Variants in SLIT2 observed in about 807,000 individuals in gnomAD.
SLIT2 encodes slit homolog 2 protein.
A neutral mutation model predicts 185.7 loss-of-function variants in SLIT2; 41 were observed. The ratio of observed to expected loss-of-function variants is 0.22; its 90% CI spans 0.17 to 0.29. SLIT2 has a LOEUF of 0.29. Ranked by LOEUF, SLIT2 falls within the 10% of genes least tolerant of loss-of-function variation. SLIT2 has a pLI of 1.00. For synonymous variants in SLIT2, 693 were observed against 680.2 expected (o/e 1.02, Z -0.29); for missense variants, 1,571 against 1,909.0 (o/e 0.82, Z 3.30).
chr4:20,542,137 A>G (rs181197130), intron 20 of SLIT2, among the ~76,000 whole-genome samples: 3 of 152,298 alleles, frequency 2.0e-5, no homozygotes, highest in Admixed American at 6.5e-5. Flanking sequence ...TTAAGTTAAT[A>G]TATTCCCTTA....
intron 14 of SLIT2, 54 bp downstream of exon 14, chr4:20,524,231 A>T: frequency 1.3e-6 from 2 of 1,562,708 alleles, no homozygotes; most frequent in Non-Finnish European, 1.8e-6. Flanking sequence ...GTTACATGAG[A>T]CCTAACAAAA....
chr4:20,569,098 T>A, intron 29 of SLIT2, 94 bp downstream of exon 29: 1 of 1,073,646 alleles, frequency 9.3e-7, no homozygotes, highest in Middle Eastern at 2.4e-4. Flanking sequence ...AATCTTTTTT[T>A]ATTTGATAAA....
intron 5 of SLIT2, among the ~76,000 whole-genome samples, chr4:20,473,617 G>T (rs1448628489): frequency 6.6e-6 from 1 of 151,900 alleles, no homozygotes; most frequent in African/African-American, 2.4e-5. Context: ...GTTTTGTATC[G>T]ATGGCTCCAT....
At chr4:20,328,928 G>A (rs1719828350) in intron 4 of SLIT2, among the ~76,000 whole-genome samples, 1 of 152,012 alleles carries the variant, frequency 6.6e-6, no homozygotes, top group African/African-American at 2.4e-5. Context: ...GTGGGAGCGT[G>A]GAAAGTGGGG....
intron 32 of SLIT2, 120 bp downstream of exon 32, chr4:20,596,775 A>G: frequency 1.0e-6 from 1 of 955,788 alleles, no homozygotes; most frequent in Non-Finnish European, 1.5e-6. Flanking sequence ...TTAAAAACAG[A>G]AAATGCTCCT....
At chr4:20,342,966 T>C (rs1721088332) in intron 4 of SLIT2, among the ~76,000 whole-genome samples, 1 of 152,036 alleles carries the variant, frequency 6.6e-6, no homozygotes. Flanking sequence ...TTTGATGCAT[T>C]ATACTTGTAC....
chr4:20,458,870 T>C (rs770239036), intron 4 of SLIT2, among the ~76,000 whole-genome samples: 1 of 152,172 alleles, frequency 6.6e-6, no homozygotes, highest in Non-Finnish European at 1.5e-5. Flanking sequence ...AACAATACAA[T>C]GTGTTCCCTG....
At chr4:20,579,935 G>A (rs879657363) in intron 29 of SLIT2, among the ~76,000 whole-genome samples, 3 of 146,620 alleles carry the variant, frequency 2.0e-5, no homozygotes, top group Non-Finnish European at 3.0e-5. Flanking sequence ...AGTATGTACA[G>A]GAAATGTAAA....
intron 11 of SLIT2, among the ~76,000 whole-genome samples, chr4:20,515,752 C>T (rs2148833420): frequency 6.6e-6 from 1 of 152,280 alleles, no homozygotes; most frequent in Non-Finnish European, 1.5e-5. Flanking sequence ...ACACCTTTTT[C>T]ATGATAGTCA....
chr4:20,278,880 C>T (rs1714451412), intron 4 of SLIT2, among the ~76,000 whole-genome samples: 1 of 151,942 alleles, frequency 6.6e-6, no homozygotes. Flanking sequence ...AAGAAACGTA[C>T]AGAAGAAGAA....
chr4:20,466,939 T>C (rs1008669612), intron 4 of SLIT2, among the ~76,000 whole-genome samples: 7 of 152,214 alleles, frequency 4.6e-5, no homozygotes, highest in Non-Finnish European at 7.3e-5. Flanking sequence ...CTTGCACGTA[T>C]ATTTATATTC....
intron 5 of SLIT2, among the ~76,000 whole-genome samples, chr4:20,473,702 A>T (rs1211934915): frequency 6.6e-6 from 1 of 151,894 alleles, no homozygotes; most frequent in Non-Finnish European, 1.5e-5. Flanking sequence ...TCATATTTTT[A>T]ATTTTTTCTC....
At chr4:20,459,635 G>A (rs1399530665) in intron 4 of SLIT2, among the ~76,000 whole-genome samples, 1 of 152,102 alleles carries the variant, frequency 6.6e-6, no homozygotes, top group Non-Finnish European at 1.5e-5. Context: ...CGTTCATTGA[G>A]CTGTAGTCTC....
chr4:20,453,242 C>A (rs533392341), intron 4 of SLIT2, among the ~76,000 whole-genome samples: 3 of 152,206 alleles, frequency 2.0e-5, no homozygotes, highest in African/African-American at 7.2e-5. Flanking sequence ...TAAGATGTAT[C>A]TTAAAATAGC....
At chr4:20,278,158 T>C (rs1714351257) in intron 4 of SLIT2, among the ~76,000 whole-genome samples, 1 of 152,128 alleles carries the variant, frequency 6.6e-6, no homozygotes, top group African/African-American at 2.4e-5. Flanking sequence ...GAAATGAACA[T>C]GTCATTATGA....
At chr4:20,575,091 A>G (rs1323602266) in intron 29 of SLIT2, among the ~76,000 whole-genome samples, 2 of 152,182 alleles carry the variant, frequency 1.3e-5, no homozygotes, top group African/African-American at 4.8e-5. Flanking sequence ...GTCTGAGTCT[A>G]TCTCAGAAAC....
chr4:20,315,147 G>A (rs910918267), intron 4 of SLIT2, among the ~76,000 whole-genome samples: 6 of 151,950 alleles, frequency 3.9e-5, no homozygotes, highest in Admixed American at 1.3e-4. Context: ...ATTATTATTT[G>A]AAATGACAAA....
intron 29 of SLIT2, among the ~76,000 whole-genome samples, chr4:20,586,129 A>C (rs961856747): frequency 8.5e-5 from 13 of 152,148 alleles, no homozygotes; most frequent in Non-Finnish European, 1.6e-4. Context: ...CCACTGTTGC[A>C]CTCTTTTGAA....
chr4:20,594,123 G>A (rs80308014), intron 30 of SLIT2, among the ~76,000 whole-genome samples: 6,092 of 146,398 alleles, frequency 0.042, 189 homozygotes, highest in African/African-American at 0.08. Flanking sequence ...ATATACACAT[G>A]TGCATATATA....
Sources: gnomAD v4.1 joint callset for allele counts (sites outside exome capture counted in the v4.1 genomes callset) on GRCh38, gnomAD v4.1.1 for gene constraint, MANE v1.5 for transcripts, NCBI Gene and HGNC (gene_info 2026-07-23, HGNC 2026-07-21) for gene names.